Variants in FAT3 observed in about 807,000 individuals in gnomAD.
The protein encoded by FAT3 is protocadherin Fat 3.
Under a neutral mutation model 310.2 loss-of-function variants are expected in FAT3, and 95 were observed. That is an observed-to-expected ratio of 0.31 (90% confidence interval 0.26 to 0.36). The LOEUF is 0.36. Ranked by LOEUF, FAT3 falls within the 10% of genes least tolerant of loss-of-function variation. FAT3 has a pLI of 1.00. For synonymous variants in FAT3, 2,314 were observed against 2,192.9 expected (o/e 1.06, Z -1.54); for missense variants, 5,408 against 5,715.6 (o/e 0.95, Z 1.74).
intron 2 of FAT3, among the ~76,000 whole-genome samples, chr11:92,486,519 A>G: frequency 6.6e-6 from 1 of 152,096 alleles, no homozygotes; most frequent in East Asian, 1.9e-4. Context: ...TAATTCTATA[A>G]AGCATTTATT....
intron 3 of FAT3, among the ~76,000 whole-genome samples, chr11:92,607,155 G>T (rs565179710): frequency 6.6e-6 from 1 of 152,296 alleles, no homozygotes; most frequent in African/African-American, 2.4e-5. Flanking sequence ...TATTTTGGTA[G>T]ATTTAAGTCT....
chr11:92,783,459 G>A (rs1946808346), intron 7 of FAT3, among the ~76,000 whole-genome samples: 1 of 145,786 alleles, frequency 6.9e-6, no homozygotes. Context: ...GATAAAATAA[G>A]GCAGCAAGCC....
intron 3 of FAT3, among the ~76,000 whole-genome samples, chr11:92,527,343 A>G (rs1214460031): frequency 6.6e-6 from 1 of 152,180 alleles, no homozygotes; most frequent in African/African-American, 2.4e-5. Context: ...GGAATATAGG[A>G]GTCCTCACCA....
chr11:92,806,376 A>G lies in FAT3; in HGVS notation c.9108A>G (p.Ala3036=). Residue 3036 remains alanine, a synonymous_variant, in exon 12 of 28, where the codon GCA becomes GCG. Coordinates refer to ENST00000525166, the MANE Select transcript of FAT3 (RefSeq NM_001367949.2). ...SPVCDQVAYT[A]LLPEDIPSNK... ...CCTTTGTCCAGGTTGCATATACAGC[A>G]TTACTTCCTGAAGACATTCCATCAA... 6.2e-7 allele frequency: 1 copy of G among 1,600,094 alleles called. No individual in the cohort carries two copies. The highest frequency in any genetic ancestry group is 8.5e-7 in the Non-Finnish European group (1 of 1,172,532).
intron 2 of FAT3, among the ~76,000 whole-genome samples, chr11:92,369,314 A>G (rs369566726): frequency 8.0e-4 from 122 of 152,284 alleles, no homozygotes; most frequent in African/African-American, 2.8e-3. Flanking sequence ...AGAAGTCTTT[A>G]ATGTTATTGC....
intron 2 of FAT3, among the ~76,000 whole-genome samples, chr11:92,469,157 A>T (rs1474077757): frequency 6.6e-6 from 1 of 152,218 alleles, no homozygotes; most frequent in African/African-American, 2.4e-5. Context: ...AAAGGCAGGC[A>T]TGTGGGATCT....
intron 1 of FAT3, among the ~76,000 whole-genome samples, chr11:92,338,749 G>A (rs1195848961): frequency 6.6e-6 from 1 of 152,136 alleles, no homozygotes; most frequent in Non-Finnish European, 1.5e-5. Context: ...TTAGTCCTTG[G>A]GAACAAACGG....
chr11:92,412,551 T>A (rs1195373996), intron 2 of FAT3, among the ~76,000 whole-genome samples: 1 of 148,640 alleles, frequency 6.7e-6, no homozygotes, highest in African/African-American at 2.4e-5. Context: ...CCAACCATTG[T>A]CTGGAGACTC....
chr11:92,753,399 A>G (rs1382648018), intron 4 of FAT3, among the ~76,000 whole-genome samples: 1 of 152,172 alleles, frequency 6.6e-6, no homozygotes, highest in Non-Finnish European at 1.5e-5. Context: ...TAAGTCACAT[A>G]ATTTTCTGTT....
intron 4 of FAT3, among the ~76,000 whole-genome samples, chr11:92,751,257 T>G (rs908730227): frequency 2.6e-5 from 4 of 152,238 alleles, no homozygotes; most frequent in African/African-American, 9.6e-5. Context: ...TGTGCCCTGT[T>G]TCTAATCTGT....
chr11:92,401,613 TG>T lies in FAT3; in HGVS notation c.3292+46210del, dbSNP rs1475300481. Among the ~76,000 whole-genome samples, 4 of 152,160 alleles carry T rather than the reference TG, an allele frequency of 2.6e-5. No homozygotes were observed. The East Asian group carries it at 7.7e-4, about 29-fold the overall frequency. Reference sequence around the variant, plus strand: ...TCACACCCTTGAAACACAGCCTCACTGAAAGACTGAGGCTTAATTAAGAAGA... The same window carrying T: ...TCACACCCTTGAAACACAGCCTCACTAAAGACTGAGGCTTAATTAAGAAGA... On this transcript the variant is annotated intron_variant, in intron 2 of 27. Transcript: ENST00000525166.
At position 92,844,010 on chromosome 11, in the gene FAT3, A is replaced by G. The variant is rs201653112; in HGVS notation, c.10643A>G (p.Lys3548Arg). The G allele has an allele frequency of 1.4e-4, 230 of 1,613,986 alleles. No individual in the cohort carries two copies. In the African/African-American group the frequency reaches 2.9e-3, roughly 20 times the overall value. ...CGAGTCATTGAGGAAAGCACCCACA[A>G]GCCCACAGCCATTCCCCTGGAAATT... ...RVRVIEESTH[K>R]PTAIPLEIFI... is the part of the protein sequence containing the mutation. The change falls in exon 19 of 28, where the codon AAG becomes AGG. Residue 3548 changes from lysine (K) to arginine (R), a missense_variant. Physicochemically the swap from Lys to Arg is conservative, Grantham distance 26. This residue lies in a region of FAT3 where 4,588 missense variants were observed against 4,809.8 expected (regional missense o/e 0.95). Transcript: ENST00000525166.
Position 92,355,304 on chromosome 11 carries a change from G to A in FAT3, c.3192G>A (p.Gln1064=), listed in dbSNP as rs1417214283. ...ENSRIGTSVL[Q]VTARDEDSGR... ...CACGCATTGGAACAAGCGTGCTGCA[G>A]GTGACTGCTCGAGATGAAGACTCCG... is the stretch of plus-strand genomic sequence containing the variant. Residue 1064 remains glutamine (Q), a synonymous_variant, in exon 2 of 28, where the codon CAG becomes CAA. Coordinates refer to ENST00000525166, the MANE Select transcript of FAT3 (RefSeq NM_001367949.2). The A allele has an allele frequency of 6.2e-7, 1 of 1,613,820 alleles. No individual in the cohort carries two copies. The highest frequency in any genetic ancestry group is 1.1e-5 in the South Asian group (1 of 91,080).
At chr11:92,552,568 A>G (rs1591439357) in intron 3 of FAT3, among the ~76,000 whole-genome samples, 2 of 152,314 alleles carry the variant, frequency 1.3e-5, no homozygotes, top group East Asian at 3.9e-4. Flanking sequence ...AAAGATGAAA[A>G]TGAGTTCATA....
chr11:92,237,037 C>A (rs1187171), intron 1 of FAT3, among the ~76,000 whole-genome samples: 26,271 of 152,048 alleles, frequency 0.17, 2,417 homozygotes, highest in East Asian at 0.38. Context: ...GCAGGCATTA[C>A]CAGACATTTA....
intron 6 of FAT3, among the ~76,000 whole-genome samples, chr11:92,767,981 T>C (rs574512766): frequency 2.0e-5 from 3 of 152,218 alleles, no homozygotes; most frequent in African/African-American, 4.8e-5. Flanking sequence ...TTTGACAAAA[T>C]AGAAACATCA....
chr11:92,537,228 CTT>C (rs1488233877), intron 3 of FAT3, among the ~76,000 whole-genome samples: 1 of 151,978 alleles, frequency 6.6e-6, no homozygotes, highest in African/African-American at 2.4e-5. Context: ...CTCTGACAGT[CTT>C]TGAGTCTATA....
At chr11:92,525,019 C>A in intron 3 of FAT3, 71 bp downstream of exon 3, 2 of 1,247,646 alleles carry the variant, frequency 1.6e-6, no homozygotes, top group Non-Finnish European at 2.3e-6. Context: ...CTGACACTTT[C>A]TGTACTCATT....
intron 2 of FAT3, among the ~76,000 whole-genome samples, chr11:92,410,671 G>A (rs1007503127): frequency 6.6e-6 from 1 of 151,938 alleles, no homozygotes; most frequent in African/African-American, 2.4e-5. Flanking sequence ...AAGAGGGAGT[G>A]AGTTTACGGA....
Sources: gnomAD v4.1 joint callset for allele counts (sites outside exome capture counted in the v4.1 genomes callset) on GRCh38, gnomAD v4.1.1 for gene constraint, gnomAD v4.1.1 regional missense constraint, MANE v1.5 for transcripts, NCBI Gene and HGNC (gene_info 2026-07-23, HGNC 2026-07-21) for gene names.